CACNA2D3: variants seen among roughly 807,000 people sequenced by gnomAD.
CACNA2D3 encodes the protein calcium voltage-gated channel auxiliary subunit alpha2delta 3.
Under a neutral mutation model 160.6 loss-of-function variants are expected in CACNA2D3, and 60 were observed. The observed-to-expected ratio is 0.37, with a 90% CI of 0.30 to 0.46. The LOEUF (loss-of-function observed/expected upper bound fraction) is 0.46, where lower values mean the gene tolerates loss of function less well. CACNA2D3 is among the 20% of genes least tolerant of loss of function. The pLI is 1.00. For missense variants in CACNA2D3, 1,205 were observed against 1,365.0 expected, an observed-to-expected ratio of 0.88 and a Z score of 1.85; for synonymous variants, 558 against 492.9, an observed-to-expected ratio of 1.13 and a Z score of -1.75.
rs2694124 is a variant in CACNA2D3 at position 54,821,547 on chromosome 3, C to T, written c.1398+4677C>T. On this transcript the variant is annotated intron_variant, in intron 14 of 37. Coordinates refer to ENST00000474759, the MANE Select transcript of CACNA2D3 (RefSeq NM_018398.3). Reference sequence around the variant, plus strand: ...ATTAATTTCTCCCCCTGAGTGCAAACGGCATCCTGAATCTATTTGCATTTT... The same window carrying T: ...ATTAATTTCTCCCCCTGAGTGCAAATGGCATCCTGAATCTATTTGCATTTT... Among the ~76,000 whole-genome samples, 1,478 of 152,276 alleles carry T rather than the reference C, an allele frequency of 9.7e-3. 23 individuals carry two copies. The highest frequency in any genetic ancestry group is 0.032 in the African/African-American group (1,315 of 41,564).
intron 4 of CACNA2D3, among the ~76,000 whole-genome samples, chr3:54,491,469 A>C (rs562366086): frequency 1.3e-5 from 2 of 152,194 alleles, no homozygotes; most frequent in Admixed American, 1.3e-4. Flanking sequence ...TCACCTGGAG[A>C]GACTGAAAGA....
intron 11 of CACNA2D3, among the ~76,000 whole-genome samples, chr3:54,643,702 A>C (rs752472204): frequency 4.8e-4 from 73 of 152,192 alleles, no homozygotes; most frequent in Non-Finnish European, 9.4e-4. Flanking sequence ...AACATACATG[A>C]TGTGAAAGGA....
At chr3:54,300,142 G>A (rs1385892826) in intron 2 of CACNA2D3, among the ~76,000 whole-genome samples, 1 of 152,206 alleles carries the variant, frequency 6.6e-6, no homozygotes, top group East Asian at 1.9e-4. Flanking sequence ...TTTTAATAAG[G>A]ACTTCTATTA....
chr3:54,870,529 C>T (rs543245714), intron 17 of CACNA2D3, among the ~76,000 whole-genome samples: 1 of 152,294 alleles, frequency 6.6e-6, no homozygotes, highest in Non-Finnish European at 1.5e-5. Context: ...AGAGGGCAGA[C>T]TTTCCTACAT....
At chr3:54,515,207 A>T (rs1189709404) in intron 5 of CACNA2D3, among the ~76,000 whole-genome samples, 8 of 151,326 alleles carry the variant, frequency 5.3e-5, no homozygotes, top group Admixed American at 2.0e-4. Flanking sequence ...TGTGAGAGAG[A>T]GAGAGAGAGA....
intron 2 of CACNA2D3, among the ~76,000 whole-genome samples, chr3:54,258,396 G>C (rs970912263): frequency 3.9e-5 from 6 of 152,168 alleles, no homozygotes; most frequent in African/African-American, 1.4e-4. Context: ...CTCATGAAAA[G>C]CTTGAGAAGA....
Position 54,891,374 on chromosome 3 carries a change from G to A in CACNA2D3, c.2170G>A (p.Glu724Lys). Residue 724 changes from glutamate to lysine, a missense_variant, in exon 25 of 38, where the codon GAG becomes AAG. Physicochemically the swap from Glu to Lys is moderately conservative, Grantham distance 56. Coordinates refer to ENST00000474759, the MANE Select transcript of CACNA2D3 (RefSeq NM_018398.3). ...TTTCAGAAATTCTGACAAGGGCGTG[G>A]AGGTTGCCTTCCTCGGCACTCGCAC... ...NKSENSDKGV[E>K]VAFLGTRTGL... 3 of 1,613,878 alleles carry A rather than the reference G, an allele frequency of 1.9e-6. No individual in the cohort carries two copies. The highest frequency in any genetic ancestry group is 2.5e-6 in the Non-Finnish European group (3 of 1,179,842).
At chr3:54,168,366 T>C (rs73844323) in intron 2 of CACNA2D3, among the ~76,000 whole-genome samples, 1 of 152,140 alleles carries the variant, frequency 6.6e-6, no homozygotes, top group Non-Finnish European at 1.5e-5. Context: ...AAAATATCAT[T>C]GGAATTTTCT....
At chr3:54,850,878 A>C (rs1699043720) in intron 17 of CACNA2D3, among the ~76,000 whole-genome samples, 1 of 152,194 alleles carries the variant, frequency 6.6e-6, no homozygotes, top group Non-Finnish European at 1.5e-5. Context: ...CATGGGTCAC[A>C]TATGTGGGAG....
At chr3:54,802,191 A>G (rs138269714) in intron 13 of CACNA2D3, among the ~76,000 whole-genome samples, 163 of 152,220 alleles carry the variant, frequency 1.1e-3, no homozygotes, top group African/African-American at 3.7e-3. Flanking sequence ...AGGTCACTCA[A>G]TTAGGGATTA....
Position 54,424,567 on chromosome 3 carries a change from C to T in CACNA2D3, c.381+37793C>T, listed in dbSNP as rs573740403. Among the ~76,000 whole-genome samples the T allele has an allele frequency of 2.0e-5, 3 of 152,314 alleles. No homozygotes were observed. The South Asian group carries it at 6.2e-4, about 32-fold the overall frequency. On this transcript the variant is annotated intron_variant, in intron 4 of 37. Transcript: ENST00000474759. ...TCCTGGAGATGACGAGGCTTTTATC[C>T]TCTGCTGAATAACTCTGTTTTGCAT...
At chr3:54,419,792 G>A (rs1225294939) in intron 4 of CACNA2D3, among the ~76,000 whole-genome samples, 3 of 152,170 alleles carry the variant, frequency 2.0e-5, no homozygotes, top group Non-Finnish European at 2.9e-5. Flanking sequence ...ATGAGATGGA[G>A]TCTTGCTCTG....
intron 2 of CACNA2D3, among the ~76,000 whole-genome samples, chr3:54,178,785 T>C (rs1700721986): frequency 6.6e-6 from 1 of 152,230 alleles, no homozygotes; most frequent in Non-Finnish European, 1.5e-5. Flanking sequence ...ATGGGATGGA[T>C]GAATGGGATT....
chr3:54,198,093 C>G (rs1278221136), intron 2 of CACNA2D3, among the ~76,000 whole-genome samples: 1 of 152,182 alleles, frequency 6.6e-6, no homozygotes, highest in Non-Finnish European at 1.5e-5. Context: ...TCAGACTTTT[C>G]TTTTTTTCAC....
intron 3 of CACNA2D3, among the ~76,000 whole-genome samples, chr3:54,337,077 T>TAGACAGAC (rs145837278): frequency 1.3e-5 from 2 of 151,730 alleles, no homozygotes; most frequent in Non-Finnish European, 1.5e-5. Context: ...GAACGAGACA[T>TAGACAGAC]AGACAGACAG....
At chr3:54,130,283 T>C (rs75184747) in intron 2 of CACNA2D3, among the ~76,000 whole-genome samples, 3,563 of 152,282 alleles carry the variant, frequency 0.023, 48 homozygotes, top group South Asian at 0.05. Flanking sequence ...TTGCCCACCT[T>C]TGTTCCATCT....
At chr3:55,067,682 C>A (rs1328868668) in intron 35 of CACNA2D3, among the ~76,000 whole-genome samples, 4 of 152,164 alleles carry the variant, frequency 2.6e-5, no homozygotes, top group Non-Finnish European at 5.9e-5. Flanking sequence ...TGGTGTGTAA[C>A]CTTCCTGACC....
chr3:54,379,593 C>T (rs764913876), intron 3 of CACNA2D3, among the ~76,000 whole-genome samples: 1 of 152,198 alleles, frequency 6.6e-6, no homozygotes, highest in Admixed American at 6.5e-5. Flanking sequence ...ATCTGATGGT[C>T]ATCCAGTCAT....
chr3:54,408,567 T>G (rs1475248287), intron 4 of CACNA2D3, among the ~76,000 whole-genome samples: 1 of 152,106 alleles, frequency 6.6e-6, no homozygotes, highest in Admixed American at 6.5e-5. Flanking sequence ...TGTTAACCAG[T>G]TCCTCTTTTT....
Sources: gnomAD v4.1 joint callset for allele counts (sites outside exome capture counted in the v4.1 genomes callset) on GRCh38, gnomAD v4.1.1 for gene constraint, MANE v1.5 for transcripts, NCBI Gene and HGNC (gene_info 2026-07-23, HGNC 2026-07-21) for gene names.